The following UBE2E2 variants were observed in gnomAD, a reference collection of about 807,000 sequenced individuals.
UBE2E2 encodes the protein ubiquitin conjugating enzyme E2 E2.
Under a neutral mutation model 24.7 loss-of-function variants are expected in UBE2E2, and 6 were observed. The observed-to-expected ratio is 0.24, with a 90% confidence interval of 0.13 to 0.48. The LOEUF (loss-of-function observed/expected upper bound fraction) is 0.48. Ranked by LOEUF, UBE2E2 falls within the 20% of genes least tolerant of loss-of-function variation. The pLI, the probability that UBE2E2 is intolerant of heterozygous loss-of-function variation, is 0.99. For missense variants in UBE2E2, 169 were observed against 245.0 expected, an observed-to-expected ratio of 0.69 and a Z score of 2.07; for synonymous variants, 104 against 83.6, an observed-to-expected ratio of 1.24 and a Z score of -1.33.
At chr3:23,335,912 T>C (rs529005790) in intron 3 of UBE2E2, among the ~76,000 whole-genome samples, 26 of 152,308 alleles carry the variant, frequency 1.7e-4, no homozygotes, top group African/African-American at 6.3e-4. Flanking sequence ...TTGACTTAGC[T>C]CTTTGCTCAA....
intron 2 of UBE2E2, among the ~76,000 whole-genome samples, chr3:23,213,440 C>T (rs904013483): frequency 6.6e-6 from 1 of 151,952 alleles, no homozygotes; most frequent in African/African-American, 2.4e-5. Context: ...AACAGTCCCA[C>T]ACAGCATTCT....
intron 3 of UBE2E2, among the ~76,000 whole-genome samples, chr3:23,228,014 G>C (rs1041585901): frequency 1.3e-5 from 2 of 152,104 alleles, no homozygotes; most frequent in Non-Finnish European, 2.9e-5. Flanking sequence ...ATTTCAAATG[G>C]GGAACTTTAT....
At chr3:23,465,047 A>G (rs1003188116) in intron 3 of UBE2E2, among the ~76,000 whole-genome samples, 3 of 152,226 alleles carry the variant, frequency 2.0e-5, no homozygotes, top group Non-Finnish European at 2.9e-5. Context: ...TTTTGTGTCA[A>G]AGAGATGTTG....
intron 3 of UBE2E2, among the ~76,000 whole-genome samples, chr3:23,243,735 A>G (rs1316628755): frequency 1.4e-5 from 2 of 142,630 alleles, no homozygotes; most frequent in African/African-American, 5.2e-5. Flanking sequence ...TCACTTGTCT[A>G]CAAATAGTAT....
At chr3:23,495,840 C>T (rs368637382) in intron 3 of UBE2E2, among the ~76,000 whole-genome samples, 1 of 152,170 alleles carries the variant, frequency 6.6e-6, no homozygotes, top group Non-Finnish European at 1.5e-5. Flanking sequence ...GTACTCTAGT[C>T]CCTTACACCA....
At chr3:23,494,869 G>C (rs1699570793) in intron 3 of UBE2E2, among the ~76,000 whole-genome samples, 1 of 151,662 alleles carries the variant, frequency 6.6e-6, no homozygotes, top group Non-Finnish European at 1.5e-5. Context: ...CTATCTCCTG[G>C]GATAGGAGTA....
At chr3:23,475,459 T>C (rs1388391561) in intron 3 of UBE2E2, among the ~76,000 whole-genome samples, 2 of 152,066 alleles carry the variant, frequency 1.3e-5, no homozygotes, top group East Asian at 1.9e-4. Flanking sequence ...CATCATCTTA[T>C]ACCTCAGTCA....
chr3:23,495,349 A>C (rs193075050), intron 3 of UBE2E2, among the ~76,000 whole-genome samples: 3 of 152,306 alleles, frequency 2.0e-5, no homozygotes, highest in Admixed American at 2.0e-4. Context: ...CTTCTGCTTC[A>C]GAGTCCCTTC....
intron 3 of UBE2E2, among the ~76,000 whole-genome samples, chr3:23,429,295 A>G (rs935831483): frequency 5.3e-5 from 8 of 152,218 alleles, no homozygotes; most frequent in Admixed American, 2.6e-4. Flanking sequence ...CTGTGAGGCC[A>G]CCATCCTAAT....
At chr3:23,332,219 C>T (rs932763438) in intron 3 of UBE2E2, among the ~76,000 whole-genome samples, 5 of 151,928 alleles carry the variant, frequency 3.3e-5, no homozygotes, top group Admixed American at 6.6e-5. Flanking sequence ...GATGTCGGAT[C>T]GCTGCAGCCT....
chr3:23,372,146 G>A (rs1021668292), intron 3 of UBE2E2, among the ~76,000 whole-genome samples: 1 of 152,030 alleles, frequency 6.6e-6, no homozygotes, highest in African/African-American at 2.4e-5. Context: ...AAGTCATTGA[G>A]CTGTATAAAA....
chr3:23,255,079 CTTTTTTTTTTT>C (rs202015038), intron 3 of UBE2E2, among the ~76,000 whole-genome samples: 47 of 85,940 alleles, frequency 5.5e-4, no homozygotes, highest in Admixed American at 6.9e-4. Flanking sequence ...GAGTAACTTC[CTTTTTTTTTTT>C]TTTTTTTTTT....
chr3:23,355,717 A>G (rs1019083912), intron 3 of UBE2E2, among the ~76,000 whole-genome samples: 4 of 152,230 alleles, frequency 2.6e-5, no homozygotes, highest in African/African-American at 9.6e-5. Context: ...GTCTCCGTAG[A>G]TACTAAAATC....
chr3:23,378,951 T>A (rs1000716336), intron 3 of UBE2E2, among the ~76,000 whole-genome samples: 1 of 152,244 alleles, frequency 6.6e-6, no homozygotes, highest in African/African-American at 2.4e-5. Flanking sequence ...ACTACATTTT[T>A]AGTAGCAGTG....
chr3:23,518,443 A>G (rs1202581883), intron 4 of UBE2E2, among the ~76,000 whole-genome samples: 1 of 152,234 alleles, frequency 6.6e-6, no homozygotes, highest in Non-Finnish European at 1.5e-5. Flanking sequence ...TAATTCTTGA[A>G]TGCTTGCCAC....
intron 3 of UBE2E2, among the ~76,000 whole-genome samples, chr3:23,327,545 T>G (rs1694935817): frequency 6.6e-6 from 1 of 152,228 alleles, no homozygotes; most frequent in Admixed American, 6.5e-5. Context: ...GGACAAATAC[T>G]TGTATCAACC....
chr3:23,398,892 C>T (rs1697144593), intron 3 of UBE2E2, among the ~76,000 whole-genome samples: 1 of 152,032 alleles, frequency 6.6e-6, no homozygotes, highest in South Asian at 2.1e-4. Flanking sequence ...TGTCAGAAAA[C>T]TGGTAGAATA....
At chr3:23,515,120 GGTGTGT>G (rs58387270) in intron 4 of UBE2E2, among the ~76,000 whole-genome samples, 10,874 of 147,872 alleles carry the variant, frequency 0.074, 491 homozygotes, top group Non-Finnish European at 0.091. Context: ...ATAAACTTGG[GGTGTGT>G]GTGTGTGTGT....
chr3:23,437,638 A>G (rs1698213299), intron 3 of UBE2E2, among the ~76,000 whole-genome samples: 1 of 152,198 alleles, frequency 6.6e-6, no homozygotes, highest in African/African-American at 2.4e-5. Context: ...CTGAATCACC[A>G]TGAACACTTT....
Sources: allele counts gnomAD v4.1 joint callset (sites outside exome capture counted in the v4.1 genomes callset), GRCh38; gene constraint gnomAD v4.1.1; transcripts MANE v1.5; gene names NCBI Gene and HGNC (gene_info 2026-07-23, HGNC 2026-07-21).